The following SLC34A1 variants were observed in gnomAD, a reference collection of about 807,000 sequenced individuals.
The protein encoded by SLC34A1 is sodium-dependent phosphate transport protein 2A.
Under a neutral mutation model 51.4 loss-of-function variants are expected in SLC34A1, and 57 were observed. The ratio of observed to expected loss-of-function variants is 1.11; its 90% CI spans 0.90 to 1.38. The LOEUF (loss-of-function observed/expected upper bound fraction) is 1.38. Among genes scored for constraint, SLC34A1 ranks in the 40% most tolerant of loss-of-function variants. The pLI is 0.00. For missense variants in SLC34A1, 796 were observed against 835.6 expected (o/e 0.95, Z 0.58); for synonymous variants, 368 against 358.0 (o/e 1.03, Z -0.32).
At position 177,387,677 on chromosome 5, in the gene SLC34A1, C is replaced by T. The variant is rs568358622; in HGVS notation, c.533-85C>T. Reference sequence around the variant, plus strand: ...CAGGAGCGGCCACTGGGGACTGGGACGTGGGTGGGGGGCCTGACAGGAGTT... The same window carrying T: ...CAGGAGCGGCCACTGGGGACTGGGATGTGGGTGGGGGGCCTGACAGGAGTT... On this transcript the variant is annotated intron_variant, in intron 5 of 12. Transcript: ENST00000324417. 1.1e-4 allele frequency: 121 copies of T among 1,142,822 alleles called. 1 individual carries two copies. Among genetic ancestry groups the T allele is most frequent in the African/African-American group, 7.6e-4 (50 of 66,026 alleles). 70.8% of individuals were successfully genotyped at this position (1,142,822 alleles called of 1,614,324 possible). A position where few individuals can be genotyped will look rare whatever the true frequency, so the allele number is the denominator to read the frequency against.
At chr5:177,385,116 G>A (rs996606361) in intron 1 of SLC34A1, among the ~76,000 whole-genome samples, 3 of 152,096 alleles carry the variant, frequency 2.0e-5, no homozygotes, top group African/African-American at 4.8e-5. Flanking sequence ...CCAGGAACTC[G>A]GGATCCGGCC....
At position 177,386,475 on chromosome 5, in the gene SLC34A1, G is replaced by A; in HGVS notation, c.441G>A (p.Val147=). Residue 147 remains valine, a synonymous_variant, in exon 5 of 13, where the codon GTG becomes GTA. Coordinates refer to ENST00000324417, the MANE Select transcript of SLC34A1 (RefSeq NM_003052.5). This position sits in a 1 kb window ranked among gnomAD's most constrained non-coding sequence, Gnocchi z 4.8. ...ATAACGCCATCCTGTCCAACCCGGT[G>A]GCCGGGCTGGTGGTGGGGATCCTGG... ...FKDNAILSNP[V]AGLVVGILVT... 3 of 1,614,182 alleles carry A rather than the reference G, an allele frequency of 1.9e-6. No homozygotes were observed. The highest frequency in any genetic ancestry group is 2.5e-6 in the Non-Finnish European group (3 of 1,180,016).
intron 8 of SLC34A1, 27 bp from the exon 9 acceptor site, chr5:177,393,667 C>T (rs1257014949): frequency 6.2e-7 from 1 of 1,612,436 alleles, no homozygotes; most frequent in South Asian, 1.1e-5. Context: ...TTTCCTAATT[C>T]ACTAAGTCAC....
At chr5:177,384,890 T>A (rs1311212549) in intron 1 of SLC34A1, among the ~76,000 whole-genome samples, 2 of 147,310 alleles carry the variant, frequency 1.4e-5, no homozygotes, top group Admixed American at 6.8e-5. Context: ...GGACTCCTGC[T>A]CCTTCAGGAC....
rs749384771 is a variant in SLC34A1, at chr5:177,397,061, C to T, written c.1403C>T (p.Ser468Phe). 1 of 1,613,386 alleles carries T rather than the reference C, an allele frequency of 6.2e-7. No individual in the cohort carries two copies. The change falls in exon 12 of 13, where the codon TCC becomes TTC. Residue 468 changes from serine (S) to phenylalanine (F), a missense_variant. Transcript: ENST00000324417. ...AALASPREKL[S>F]SAFQIALCHF... Reference sequence around the variant, plus strand: ...CTGGCCAGCCCCAGGGAGAAGCTGTCCAGCGCTTTCCAGGTGCGCTGGGAG... The same window carrying T: ...CTGGCCAGCCCCAGGGAGAAGCTGTTCAGCGCTTTCCAGGTGCGCTGGGAG...
In SLC34A1 at chr5:177,386,381, G is replaced by T; in HGVS notation, c.388+32G>T. 1 of 1,614,250 alleles carries T rather than the reference G, an allele frequency of 6.2e-7. No individual in the cohort carries two copies. The highest frequency in any genetic ancestry group is 8.5e-7 in the Non-Finnish European group (1 of 1,180,042). ...CCCGGGTGGAGGAGACCTGGGAGGG[G>T]TTCCTGAAGGGCCTTGGACAACGCT... On this transcript the variant is annotated intron_variant, in intron 4 of 12. Coordinates refer to ENST00000324417, the MANE Select transcript of SLC34A1 (RefSeq NM_003052.5). The surrounding 1 kb of genome is among the most constrained non-coding windows in gnomAD (Gnocchi z 4.8).
In SLC34A1 at chr5:177,386,742, G is replaced by A. The variant is rs2127347066; in HGVS notation, c.532+176G>A. On this transcript the variant is annotated intron_variant, in intron 5 of 12. Coordinates refer to ENST00000324417, the MANE Select transcript of SLC34A1 (RefSeq NM_003052.5). This position sits in a 1 kb window ranked among gnomAD's most constrained non-coding sequence, Gnocchi z 4.8. ...GCTGTATGTGACCCAGATGATTTAT[G>A]GCAAGGAACTGGCTTCCCCGATGGT... Among the ~76,000 whole-genome samples, 1 of 152,264 alleles carries A rather than the reference G, an allele frequency of 6.6e-6. No homozygotes were observed. Among genetic ancestry groups the A allele is most frequent in the African/African-American group, 2.4e-5 (1 of 41,550 alleles).
In SLC34A1 at chr5:177,394,011, A is replaced by C; in HGVS notation, c.1007-17A>C. The C allele has an allele frequency of 4.3e-6, 7 of 1,613,728 alleles. No individual in the cohort carries two copies. Among genetic ancestry groups the C allele is most frequent in the Non-Finnish European group, 5.9e-6 (7 of 1,179,948 alleles). ...GCCAGGTGTGGGGTCAGCTGTCAGG[A>C]GCTCCACCCCCTGCAGGCAACCACA... On this transcript the variant is annotated splice_polypyrimidine_tract_variant and intron_variant, in intron 9 of 12. Transcript: ENST00000324417.
rs757775673 is a variant in SLC34A1, at chr5:177,396,751, C to G, written c.1193C>G (p.Thr398Ser). Residue 398 changes from threonine (T) to serine (S), a missense_variant, in exon 11 of 13, where the codon ACC becomes AGC. Transcript: ENST00000324417. This position sits in a 1 kb window ranked among gnomAD's most constrained non-coding sequence, Gnocchi z 4.0. ...VINTDFPAPF[T>S]WVTGYFAMVV... The stretch of plus-strand genomic sequence containing the variant: ...CTTGCAGACTTCCCTGCCCCCTTCA[C>G]CTGGGTCACAGGCTACTTTGCCATG... 1 of 1,614,260 alleles carries G rather than the reference C, an allele frequency of 6.2e-7. No individual in the cohort carries two copies. The highest frequency in any genetic ancestry group is 1.1e-5 in the South Asian group (1 of 91,086).
At chr5:177,391,528 T>C (rs1271987704) in intron 8 of SLC34A1, among the ~76,000 whole-genome samples, 1 of 152,190 alleles carries the variant, frequency 6.6e-6, no homozygotes, top group Non-Finnish European at 1.5e-5. Flanking sequence ...ACCAGGCACC[T>C]ACTCATTCAA....
rs1489305215 is a variant in SLC34A1 at position 177,397,019 on chromosome 5, C to T, written c.1361C>T (p.Thr454Met). The change falls in exon 12 of 13, where the codon ACG becomes ATG. Residue 454 changes from threonine (T) to methionine (M), a missense_variant. Thr to Met is a moderately conservative substitution (Grantham distance 81, BLOSUM62 -1). Coordinates refer to ENST00000324417, the MANE Select transcript of SLC34A1 (RefSeq NM_003052.5). ...TLGSNIGTTT[T>M]AILAALASPR... The stretch of plus-strand genomic sequence containing the variant: ...GGTTCCAACATCGGCACCACCACCA[C>T]GGCCATCCTGGCTGCCCTGGCCAGC... The T allele has an allele frequency of 2.2e-5, 35 of 1,614,136 alleles. No individual in the cohort carries two copies. Among genetic ancestry groups the T allele is most frequent in the Middle Eastern group, 1.7e-4 (1 of 6,030 alleles).
chr5:177,396,720 G>A lies in SLC34A1; in HGVS notation c.1175-13G>A, dbSNP rs548223568. The stretch of plus-strand genomic sequence containing the variant: ...CTCTGACCCCAGCCTGCTGGGATGC[G>A]GTTTCCTTGCAGACTTCCCTGCCCC... On this transcript the variant is annotated splice_polypyrimidine_tract_variant and intron_variant, in intron 10 of 12. Coordinates refer to ENST00000324417, the MANE Select transcript of SLC34A1 (RefSeq NM_003052.5). The surrounding 1 kb of genome is among the most constrained non-coding windows in gnomAD (Gnocchi z 4.0). 8.9e-5 allele frequency: 143 copies of A among 1,612,680 alleles called. 1 individual carries two copies. The South Asian group carries it at 1.4e-3, about 15-fold the overall frequency.
At chr5:177,393,316 G>T (rs994637697) in intron 8 of SLC34A1, among the ~76,000 whole-genome samples, 14 of 152,070 alleles carry the variant, frequency 9.2e-5, no homozygotes, top group Non-Finnish European at 1.5e-4. Flanking sequence ...CTGGGGAAGG[G>T]GCACCGAGAA....
chr5:177,391,433 C>T (rs1469349619), intron 8 of SLC34A1, among the ~76,000 whole-genome samples: 1 of 152,252 alleles, frequency 6.6e-6, no homozygotes, highest in Non-Finnish European at 1.5e-5. Context: ...GTTCCCCATT[C>T]TCCTCCAGCC....
Position 177,393,702 on chromosome 5 carries a change from C to T in SLC34A1, c.945C>T (p.Thr315=). 1 of 1,614,232 alleles carries T rather than the reference C, an allele frequency of 6.2e-7. No individual in the cohort carries two copies. The highest frequency in any genetic ancestry group is 1.3e-5 in the African/African-American group (1 of 75,070). ...WCHPDSLQAP[T]SMSRAEANSS... is the part of the protein sequence containing the mutation. ...CCCTCCTCCTGATCTAGGCTCCCAC[C>T]TCCATGTCCAGAGCAGAGGCCAACT... The change falls in exon 9 of 13, where the codon ACC becomes ACT. Residue 315 remains threonine (T), a synonymous_variant. Transcript: ENST00000324417.
At chr5:177,385,597 G>A in intron 1 of SLC34A1, 98 bp from the exon 2 acceptor site, 1 of 703,274 alleles carries the variant, frequency 1.4e-6, no homozygotes. Context: ...TGGAGGGTGT[G>A]CTTTGCTAGG....
chr5:177,392,848 C>T (rs1378147600), intron 8 of SLC34A1, among the ~76,000 whole-genome samples: 1 of 152,176 alleles, frequency 6.6e-6, no homozygotes, highest in Non-Finnish European at 1.5e-5. Context: ...CTCCTGGCCT[C>T]GAGTAATCCT....
intron 8 of SLC34A1, among the ~76,000 whole-genome samples, chr5:177,393,390 C>T (rs1203883714): frequency 6.6e-6 from 1 of 151,994 alleles, no homozygotes; most frequent in Non-Finnish European, 1.5e-5. Flanking sequence ...TGTTCAGCAG[C>T]ACCCAATGCC....
chr5:177,389,703 G>C (rs1220148370), intron 8 of SLC34A1: 1 of 1,537,298 alleles, frequency 6.5e-7, no homozygotes, highest in South Asian at 1.2e-5. Flanking sequence ...ATGGAAGACA[G>C]CTCTGTTCCT....
Sources: allele counts gnomAD v4.1 joint callset (sites outside exome capture counted in the v4.1 genomes callset), GRCh38; gene constraint gnomAD v4.1.1; non-coding constraint Gnocchi (gnomAD v3.1); transcripts MANE v1.5; gene names NCBI Gene and HGNC (gene_info 2026-07-23, HGNC 2026-07-21).